Variants in HS6ST3 observed in about 807,000 individuals in gnomAD.
The protein encoded by HS6ST3 is heparan sulfate 6-O-sulfotransferase 3, also known as heparan-sulfate 6-O-sulfotransferase 3.
HS6ST3 carries 12 observed loss-of-function variants against 36.7 expected under a neutral mutation model. That is an observed-to-expected ratio of 0.33 (90% CI 0.21 to 0.53). The LOEUF is 0.53. HS6ST3 is among the 20% of genes least tolerant of loss of function. The probability of loss-of-function intolerance (pLI) is 0.95; values close to 1 mark genes in which losing one functional copy is unlikely to be tolerated. For missense variants in HS6ST3, 584 were observed against 640.9 expected (o/e 0.91, Z 0.96); for synonymous variants, 240 against 257.5 (o/e 0.93, Z 0.65).
At chr13:96,627,738 T>C (rs1160033773) in intron 1 of HS6ST3, among the ~76,000 whole-genome samples, 3 of 151,980 alleles carry the variant, frequency 2.0e-5, no homozygotes, top group African/African-American at 7.2e-5. Context: ...CTCTCATTTT[T>C]CTTGAGCCAG....
intron 1 of HS6ST3, among the ~76,000 whole-genome samples, chr13:96,807,574 G>A (rs1878226092): frequency 6.6e-6 from 1 of 152,150 alleles, no homozygotes; most frequent in South Asian, 2.1e-4. Flanking sequence ...AAGTTAGGAG[G>A]GAGGCCTTTA....
chr13:96,569,570 A>G (rs2138961030), intron 1 of HS6ST3, among the ~76,000 whole-genome samples: 1 of 152,334 alleles, frequency 6.6e-6, no homozygotes, highest in South Asian at 2.1e-4. Flanking sequence ...GGTGAAAATG[A>G]AAAGAAAAAA....
intron 1 of HS6ST3, among the ~76,000 whole-genome samples, chr13:96,634,648 CT>C (rs1340450962): frequency 6.6e-6 from 1 of 152,174 alleles, no homozygotes; most frequent in Non-Finnish European, 1.5e-5. Context: ...CATTAACACT[CT>C]TTCCTGCCTT....
At chr13:96,280,108 G>T (rs1049774476) in intron 1 of HS6ST3, among the ~76,000 whole-genome samples, 1 of 152,018 alleles carries the variant, frequency 6.6e-6, no homozygotes, top group African/African-American at 2.4e-5. Flanking sequence ...GGTTCTTATT[G>T]TCTGTCAACA....
rs867211059 is a variant in HS6ST3 at position 96,627,060 on chromosome 13, C to T, written c.708-205430C>T. Among the ~76,000 whole-genome samples, 5 of 152,046 alleles carry T rather than the reference C, an allele frequency of 3.3e-5. No homozygotes were observed. In the South Asian group the frequency reaches 1.0e-3, roughly 32 times the overall value. ...ATTTCCTTACTATAGGCAGGGATCT[C>T]TCATCCAATGTTTTTAAAAGAAAAA... On this transcript the variant is annotated intron_variant, in intron 1 of 1. Transcript: ENST00000376705.
chr13:96,733,094 T>A (rs552813665), intron 1 of HS6ST3, among the ~76,000 whole-genome samples: 7 of 152,332 alleles, frequency 4.6e-5, no homozygotes, highest in Non-Finnish European at 8.8e-5. Flanking sequence ...ACAGTTTAAC[T>A]TCTTTCTTTC....
chr13:96,615,815 G>A (rs1241462777), intron 1 of HS6ST3, among the ~76,000 whole-genome samples: 1 of 152,170 alleles, frequency 6.6e-6, no homozygotes, highest in Non-Finnish European at 1.5e-5. Flanking sequence ...TGTACCAAAA[G>A]CTGATTTCAT....
chr13:96,261,321 T>TATGTATATATGTATATAG (rs2054665647), intron 1 of HS6ST3, among the ~76,000 whole-genome samples: 1 of 150,142 alleles, frequency 6.7e-6, no homozygotes, highest in African/African-American at 2.4e-5. Flanking sequence ...ATTTTATATA[T>TATGTATATATGTATATAG]ATATGTATAT....
chr13:96,431,523 C>A (rs1373281451), intron 1 of HS6ST3, among the ~76,000 whole-genome samples: 1 of 152,124 alleles, frequency 6.6e-6, no homozygotes, highest in Non-Finnish European at 1.5e-5. Flanking sequence ...AAAGGATAGG[C>A]CCTTTAATTG....
intron 1 of HS6ST3, among the ~76,000 whole-genome samples, chr13:96,285,123 G>A (rs1439352151): frequency 6.6e-6 from 1 of 152,046 alleles, no homozygotes; most frequent in African/African-American, 2.4e-5. Flanking sequence ...GGTCTTGACA[G>A]TGTAAGATAA....
intron 1 of HS6ST3, among the ~76,000 whole-genome samples, chr13:96,422,571 A>T (rs373872835): frequency 2.6e-5 from 4 of 152,212 alleles, no homozygotes; most frequent in East Asian, 1.9e-4. Flanking sequence ...TTTGAGAAGG[A>T]TGAAGGAGCA....
At chr13:96,099,548 A>G (rs920650476) in intron 1 of HS6ST3, among the ~76,000 whole-genome samples, 3 of 152,242 alleles carry the variant, frequency 2.0e-5, no homozygotes, top group Admixed American at 6.5e-5. Context: ...TACATGAAGC[A>G]ATCCTGCAGT....
At chr13:96,748,051 T>C (rs893432391) in intron 1 of HS6ST3, among the ~76,000 whole-genome samples, 1 of 152,134 alleles carries the variant, frequency 6.6e-6, no homozygotes, top group Admixed American at 6.6e-5. Flanking sequence ...GATCCATCTC[T>C]CCTATTGGCT....
intron 1 of HS6ST3, among the ~76,000 whole-genome samples, chr13:96,597,096 C>T (rs1168738080): frequency 1.3e-5 from 2 of 152,118 alleles, no homozygotes; most frequent in Admixed American, 1.3e-4. Flanking sequence ...GAACAGAAAA[C>T]CAAATACCAC....
At chr13:96,230,982 C>T (rs1031616503) in intron 1 of HS6ST3, among the ~76,000 whole-genome samples, 1 of 152,054 alleles carries the variant, frequency 6.6e-6, no homozygotes, top group African/African-American at 2.4e-5. Context: ...GTTAAGGCGG[C>T]TCCCACCTGG....
At chr13:96,483,846 C>T (rs546361424) in intron 1 of HS6ST3, among the ~76,000 whole-genome samples, 95 of 152,102 alleles carry the variant, frequency 6.2e-4, no homozygotes, top group Non-Finnish European at 1.2e-3. Context: ...TAGGTTTTCT[C>T]TTGTGTTATC....
chr13:96,400,336 CACAT>C (rs1198640517), intron 1 of HS6ST3, among the ~76,000 whole-genome samples: 3 of 151,824 alleles, frequency 2.0e-5, no homozygotes, highest in Non-Finnish European at 1.5e-5. Context: ...CACACACACA[CACAT>C]ACAAATTCTT....
Position 96,658,268 on chromosome 13 carries a change from C to CTTCTTTTTTTTTTTTTTTTTTTT in HS6ST3, c.708-174220_708-174219insCTTTTTTTTTTTTTTTTTTTTTT, listed in dbSNP as rs1566422902. Among the ~76,000 whole-genome samples the CTTCTTTTTTTTTTTTTTTTTTTT allele has an allele frequency of 8.5e-4, 65 of 76,136 alleles. 3 individuals are homozygous for CTTCTTTTTTTTTTTTTTTTTTTT. Among genetic ancestry groups the CTTCTTTTTTTTTTTTTTTTTTTT allele is most frequent in the Non-Finnish European group, 1.1e-3 (47 of 41,032 alleles). 49.9% of individuals were successfully genotyped at this position (76,136 alleles called of 152,430 possible). A position where few individuals can be genotyped will look rare whatever the true frequency, so the allele number is the denominator to read the frequency against. The stretch of plus-strand genomic sequence containing the variant: ...TTCTTCTTCTTCTTCTCTTCTTCTT[C>CTTCTTTTTTTTTTTTTTTTTTTT]TTTTTTTTTTTTTTTTTTTTTTTTT... On this transcript the variant is annotated intron_variant, in intron 1 of 1. Coordinates refer to ENST00000376705, the MANE Select transcript of HS6ST3 (RefSeq NM_153456.4).
chr13:96,281,795 C>T (rs1594742002), intron 1 of HS6ST3, among the ~76,000 whole-genome samples: 2 of 152,174 alleles, frequency 1.3e-5, no homozygotes. Flanking sequence ...TTCTTTCAGA[C>T]TTCCCTCATG....
Sources: gnomAD v4.1 joint callset for allele counts (sites outside exome capture counted in the v4.1 genomes callset) on GRCh38, gnomAD v4.1.1 for gene constraint, MANE v1.5 for transcripts, NCBI Gene and HGNC (gene_info 2026-07-23, HGNC 2026-07-21) for gene names.